Variants in MT2A observed in about 807,000 individuals in gnomAD.
MT2A encodes metallothionein-2.
In MT2A, 6 loss-of-function variants were observed where a neutral mutation model predicts 9.9. The ratio of observed to expected loss-of-function variants is 0.61; its 90% CI spans 0.33 to 1.20. The LOEUF is 1.20. MT2A is among the 50% of genes most tolerant of loss of function. The pLI, the probability that MT2A is intolerant of heterozygous loss-of-function variation, is 0.04. For missense variants in MT2A, 57 were observed against 78.2 expected, an observed-to-expected ratio of 0.73 and a Z score of 1.02; for synonymous variants, 27 against 28.7, an observed-to-expected ratio of 0.94 and a Z score of 0.18.
intron 2 of MT2A, 42 bp from the exon 3 acceptor site, chr16:56,609,221 T>C: frequency 6.2e-7 from 1 of 1,613,882 alleles, no homozygotes; most frequent in Non-Finnish European, 8.5e-7. Flanking sequence ...TTATTCCCGG[T>C]GTCGCTAGTA....
chr16:56,609,149 A>G, intron 2 of MT2A, 92 bp downstream of exon 2: 1 of 1,610,376 alleles, frequency 6.2e-7, no homozygotes, highest in Non-Finnish European at 8.5e-7. Context: ...CAGTCTGGGG[A>G]TGCCCCATTG....
intron 1 of MT2A, 107 bp downstream of exon 1, chr16:56,608,790 C>A (rs1267140126): frequency 1.3e-6 from 2 of 1,516,632 alleles, no homozygotes; most frequent in Non-Finnish European, 1.8e-6. Flanking sequence ...TTGCTCCTTC[C>A]CAAAGAGTTT....
chr16:56,608,607 C>T lies in MT2A; in HGVS notation c.-49C>T. 3 of 1,613,538 alleles carry T rather than the reference C, an allele frequency of 1.9e-6. No homozygotes were observed. Among genetic ancestry groups the T allele is most frequent in the Admixed American group, 3.3e-5 (2 of 60,024 alleles). On this transcript the variant is annotated 5_prime_UTR_variant, in exon 1 of 3. Coordinates refer to ENST00000245185, the MANE Select transcript of MT2A (RefSeq NM_005953.5). ...CCACCACGCCTCCTCCAAGTCCCAG[C>T]GAACCCGCGTGCAACCTGTCCCGAC...
chr16:56,609,210 C>T (rs1336972038), intron 2 of MT2A, 53 bp from the exon 3 acceptor site: 2 of 1,613,566 alleles, frequency 1.2e-6, no homozygotes, highest in Non-Finnish European at 1.7e-6. Context: ...AGCAGGAATC[C>T]TTATTCCCGG....
intron 2 of MT2A, 65 bp downstream of exon 2, chr16:56,609,122 C>T: frequency 6.2e-7 from 1 of 1,609,976 alleles, no homozygotes; most frequent in Non-Finnish European, 8.5e-7. Flanking sequence ...TCTCCACCAT[C>T]CTCAGGGGAA....
At chr16:56,608,758 T>C (rs1186243697) in intron 1 of MT2A, 75 bp downstream of exon 1, 2 of 1,594,480 alleles carry the variant, frequency 1.3e-6, no homozygotes, top group East Asian at 4.5e-5. Flanking sequence ...CTTTCTCTGG[T>C]CACTCAATTT....
chr16:56,608,832 C>A, intron 1 of MT2A, 149 bp downstream of exon 1: 1 of 1,318,908 alleles, frequency 7.6e-7, no homozygotes, highest in African/African-American at 1.5e-5. Flanking sequence ...CTAGGTTATT[C>A]GGAGCCCCCT....
chr16:56,609,124 T>G, intron 2 of MT2A, 67 bp downstream of exon 2: 4 of 1,609,792 alleles, frequency 2.5e-6, no homozygotes, highest in Non-Finnish European at 3.4e-6. Context: ...TCCACCATCC[T>G]CAGGGGAATT....
In MT2A at chr16:56,608,666, A is replaced by G. The variant is rs754284720; in HGVS notation, c.11A>G (p.Asn4Ser). 16 of 1,614,184 alleles carry G rather than the reference A, an allele frequency of 9.9e-6. No individual in the cohort carries two copies. Among genetic ancestry groups the G allele is most frequent in the South Asian group, 8.8e-5 (8 of 91,084 alleles). The change falls in exon 1 of 3, where the codon AAC becomes AGC. Residue 4 changes from asparagine to serine, a missense_variant. Transcript: ENST00000245185. ...CCTCTTCAGCTCGCCATGGATCCCAACTGCTCCTGCGCCGCCGGTAAGAGG... is the reference window on the plus strand; with the variant it reads ...CCTCTTCAGCTCGCCATGGATCCCAGCTGCTCCTGCGCCGCCGGTAAGAGG... MDP[N>S]CSCAAGDSCT...
chr16:56,609,251 G>C lies in MT2A; in HGVS notation c.95-12G>C. On this transcript the variant is annotated splice_polypyrimidine_tract_variant and intron_variant, in intron 2 of 2. Coordinates refer to ENST00000245185, the MANE Select transcript of MT2A (RefSeq NM_005953.5). Reference sequence around the variant, plus strand: ...CTAGTACTCATCTCTGCCGCCTCCTGTCTGCCCCCAGGCTGCTGCTCCTGC... The same window carrying C: ...CTAGTACTCATCTCTGCCGCCTCCTCTCTGCCCCCAGGCTGCTGCTCCTGC... The C allele has an allele frequency of 1.2e-6, 2 of 1,614,138 alleles. No homozygotes were observed. The highest frequency in any genetic ancestry group is 1.7e-6 in the Non-Finnish European group (2 of 1,180,002).
At chr16:56,609,183 T>G (rs920789264) in intron 2 of MT2A, 80 bp from the exon 3 acceptor site, 4 of 1,612,790 alleles carry the variant, frequency 2.5e-6, no homozygotes, top group Non-Finnish European at 3.4e-6. Flanking sequence ...GCCTCCTCAG[T>G]GATCCTTATC....
In MT2A at chr16:56,609,049, G is replaced by C. The variant is rs1339841313; in HGVS notation, c.86G>C (p.Cys29Ser). ...TGCAAAGAGTGCAAATGCACCTCCTGCAAGAAAAGTAAGTGGGATCCTCTC... is the reference window on the plus strand; with the variant it reads ...TGCAAAGAGTGCAAATGCACCTCCTCCAAGAAAAGTAAGTGGGATCCTCTC... ...CKCKECKCTS[C>S]KKSCCSCCPV... Residue 29 changes from cysteine to serine, a missense_variant, in exon 2 of 3, where the codon TGC becomes TCC. By Grantham distance (112) the Cys-to-Ser change is moderately radical. Coordinates refer to ENST00000245185, the MANE Select transcript of MT2A (RefSeq NM_005953.5). 9 of 1,614,082 alleles carry C rather than the reference G, an allele frequency of 5.6e-6. No individual in the cohort carries two copies. The highest frequency in any genetic ancestry group is 1.7e-5 in the Admixed American group (1 of 60,016).
rs1478848817 is a variant in MT2A at position 56,608,679 on chromosome 16, C to T, written c.24C>T (p.Ala8=). The part of the protein sequence containing the change: MDPNCSC[A]AGDSCTCAGS... ...CCATGGATCCCAACTGCTCCTGCGC[C>T]GCCGGTAAGAGGCTGGGGATGCCCA... The change falls in exon 1 of 3, where the codon GCC becomes GCT. Residue 8 remains alanine, a synonymous_variant. Transcript: ENST00000245185. The T allele has an allele frequency of 6.2e-7, 1 of 1,614,216 alleles. No individual in the cohort carries two copies.
At chr16:56,608,806 T>C in intron 1 of MT2A, 123 bp downstream of exon 1, 1 of 1,404,202 alleles carries the variant, frequency 7.1e-7, no homozygotes, top group Admixed American at 1.8e-5. Flanking sequence ...AGTTTTGGGG[T>C]ATCTTTCTCT....
chr16:56,608,606 G>A lies in MT2A; in HGVS notation c.-50G>A, dbSNP rs769686693. 4 of 1,613,684 alleles carry A rather than the reference G, an allele frequency of 2.5e-6. No individual in the cohort carries two copies. Among genetic ancestry groups the A allele is most frequent in the South Asian group, 2.2e-5 (2 of 91,072 alleles). On this transcript the variant is annotated 5_prime_UTR_variant, in exon 1 of 3. Transcript: ENST00000245185. ...TCCACCACGCCTCCTCCAAGTCCCA[G>A]CGAACCCGCGTGCAACCTGTCCCGA...
intron 2 of MT2A, 58 bp from the exon 3 acceptor site, chr16:56,609,205 G>A: frequency 3.7e-6 from 6 of 1,613,568 alleles, no homozygotes; most frequent in Non-Finnish European, 5.1e-6. Context: ...GGGAGAGCAG[G>A]AATCCTTATT....
chr16:56,608,847 AC>A, intron 1 of MT2A, 144 bp from the exon 2 acceptor site: 1 of 1,308,330 alleles, frequency 7.6e-7, no homozygotes, highest in Non-Finnish European at 1.1e-6. Flanking sequence ...CCCCCTTTTT[AC>A]CGTTAAGGAG....
chr16:56,608,641 C>T lies in MT2A; in HGVS notation c.-15C>T. On this transcript the variant is annotated 5_prime_UTR_variant, in exon 1 of 3. Coordinates refer to ENST00000245185, the MANE Select transcript of MT2A (RefSeq NM_005953.5). ...GTGCAACCTGTCCCGACTCTAGCCG[C>T]CTCTTCAGCTCGCCATGGATCCCAA... The T allele has an allele frequency of 6.2e-7, 1 of 1,614,236 alleles. No homozygotes were observed. Among genetic ancestry groups the T allele is most frequent in the Non-Finnish European group, 8.5e-7 (1 of 1,180,022 alleles).
In MT2A at chr16:56,609,272, C is replaced by T. The variant is rs758207743; in HGVS notation, c.104C>T (p.Ser35Phe). Residue 35 changes from serine to phenylalanine, a missense_variant, in exon 3 of 3, where the codon TCC (serine) becomes TTC (phenylalanine). Transcript: ENST00000245185. ...KCTSCKKSCC[S>F]CCPVGCAKCA... ...TCCTGTCTGCCCCCAGGCTGCTGCT[C>T]CTGCTGCCCTGTGGGCTGTGCCAAG... is the stretch of plus-strand genomic sequence containing the variant. 6 of 1,614,088 alleles carry T rather than the reference C, an allele frequency of 3.7e-6. No individual in the cohort carries two copies. The highest frequency in any genetic ancestry group is 1.3e-5 in the African/African-American group (1 of 74,924).
Sources: gnomAD v4.1 joint callset for allele counts on GRCh38, gnomAD v4.1.1 for gene constraint, MANE v1.5 for transcripts, NCBI Gene and HGNC (gene_info 2026-07-23, HGNC 2026-07-21) for gene names.